FAM163A: variants seen among roughly 807,000 people sequenced by gnomAD.
FAM163A encodes family with sequence similarity 163 member A, also known as protein FAM163A.
In FAM163A, 7 loss-of-function variants were observed where a neutral mutation model predicts 12.0. The observed-to-expected ratio is 0.58, with a 90% CI of 0.33 to 1.10. The LOEUF (loss-of-function observed/expected upper bound fraction) is 1.10. Among genes scored for constraint, FAM163A ranks in the 50% least tolerant of loss-of-function variants. The probability of loss-of-function intolerance (pLI) is 0.03; values close to 1 mark genes in which losing one functional copy is unlikely to be tolerated. For synonymous variants in FAM163A, 101 were observed against 91.0 expected (o/e 1.11, Z -0.62); for missense variants, 202 against 218.6 (o/e 0.92, Z 0.48).
At chr1:179,800,729 G>C (rs574021540) in intron 1 of FAM163A, among the ~76,000 whole-genome samples, 1 of 152,286 alleles carries the variant, frequency 6.6e-6, no homozygotes, top group South Asian at 2.1e-4. Flanking sequence ...GTAGATGAAG[G>C]ATAAATGAGG....
At chr1:179,753,925 A>C (rs932026824) in intron 1 of FAM163A, among the ~76,000 whole-genome samples, 1 of 152,268 alleles carries the variant, frequency 6.6e-6, no homozygotes, top group Non-Finnish European at 1.5e-5. Flanking sequence ...ACAAAGTTGT[A>C]GATGGTACAT....
At chr1:179,730,781 T>C in the FAM163A span, among the ~76,000 whole-genome samples, 4 of 152,206 alleles carry the variant, frequency 2.6e-5, no homozygotes, top group Non-Finnish European at 5.9e-5. Context: ...AAAAAGGCAC[T>C]AATTTGCATT....
intron 1 of FAM163A, among the ~76,000 whole-genome samples, chr1:179,784,399 G>A (rs1690303692): frequency 6.6e-6 from 1 of 152,196 alleles, no homozygotes; most frequent in African/African-American, 2.4e-5. Context: ...TACTAGACAA[G>A]TTAATTTAAC....
upstream of FAM163A, among the ~76,000 whole-genome samples, chr1:179,739,420 T>TGAAA: frequency 6.6e-6 from 1 of 152,240 alleles, no homozygotes; most frequent in Non-Finnish European, 1.5e-5. Flanking sequence ...GACCAGGATC[T>TGAAA]AGACCAAGGT....
At chr1:179,776,000 T>C (rs900356901) in intron 1 of FAM163A, among the ~76,000 whole-genome samples, 1 of 152,008 alleles carries the variant, frequency 6.6e-6, no homozygotes, top group African/African-American at 2.4e-5. Context: ...ATTGATCAGA[T>C]GGGGTGGGGG....
At chr1:179,767,655 C>T (rs1231297850) in intron 1 of FAM163A, among the ~76,000 whole-genome samples, 2 of 152,058 alleles carry the variant, frequency 1.3e-5, no homozygotes, top group African/African-American at 2.4e-5. Flanking sequence ...CTGTCCAGGC[C>T]CTGGCACCCC....
chr1:179,782,087 GACT>G (rs1689848398), intron 1 of FAM163A, among the ~76,000 whole-genome samples: 1 of 152,176 alleles, frequency 6.6e-6, no homozygotes, highest in Non-Finnish European at 1.5e-5. Flanking sequence ...CTACCAGGCT[GACT>G]CCTTTGCAGC....
intron 1 of FAM163A, among the ~76,000 whole-genome samples, chr1:179,764,856 A>G (rs865782581): frequency 1.3e-5 from 2 of 152,180 alleles, no homozygotes; most frequent in African/African-American, 4.8e-5. Flanking sequence ...GGTAGTGACA[A>G]TCTGTACCTC....
chr1:179,801,536 A>G (rs1693176833), intron 1 of FAM163A, among the ~76,000 whole-genome samples: 1 of 151,974 alleles, frequency 6.6e-6, no homozygotes, highest in Non-Finnish European at 1.5e-5. Context: ...TTTAAAGATC[A>G]CCCTCCCCCC....
At chr1:179,731,230 CA>C in the FAM163A span, among the ~76,000 whole-genome samples, 1 of 152,064 alleles carries the variant, frequency 6.6e-6, no homozygotes, top group Non-Finnish European at 1.5e-5. Flanking sequence ...AGGGTTAAAA[CA>C]AATTGAGACA....
At chr1:179,756,351 A>T (rs1686022054) in intron 1 of FAM163A, among the ~76,000 whole-genome samples, 2 of 152,176 alleles carry the variant, frequency 1.3e-5, no homozygotes, top group Admixed American at 1.3e-4. Flanking sequence ...AAGTTCTAGA[A>T]ACACTTAAGA....
chr1:179,746,318 T>A lies in FAM163A; in HGVS notation c.-136+2895T>A, dbSNP rs76430550. The stretch of plus-strand genomic sequence containing the variant: ...AAGATATATGTACATTATAGCACTG[T>A]TCGAACTGTGAAAGAACAACTTACA... On this transcript the variant is annotated intron_variant, in intron 1 of 4. Coordinates refer to ENST00000341785, the MANE Select transcript of FAM163A (RefSeq NM_173509.3). Among the ~76,000 whole-genome samples, 19 of 152,330 alleles carry A rather than the reference T, an allele frequency of 1.2e-4. No homozygotes were observed. The East Asian group carries it at 2.9e-3, about 23-fold the overall frequency.
upstream of FAM163A, among the ~76,000 whole-genome samples, chr1:179,741,267 TAAG>T (rs557257260): frequency 3.2e-3 from 488 of 152,364 alleles, 2 homozygotes; most frequent in African/African-American, 0.011. Context: ...TGGCAAAACA[TAAG>T]AAGTCTAATA....
chr1:179,733,202 T>G, the FAM163A span, among the ~76,000 whole-genome samples: 1 of 151,612 alleles, frequency 6.6e-6, no homozygotes, highest in Non-Finnish European at 1.5e-5. Flanking sequence ...GAGTATTTAT[T>G]TCCCTTTTTG....
At chr1:179,758,730 A>G (rs1686382330) in intron 1 of FAM163A, among the ~76,000 whole-genome samples, 1 of 152,134 alleles carries the variant, frequency 6.6e-6, no homozygotes, top group Non-Finnish European at 1.5e-5. Context: ...ATTTTTACAT[A>G]CTTTCTCATC....
intron 1 of FAM163A, among the ~76,000 whole-genome samples, chr1:179,754,025 A>G (rs1482491229): frequency 6.6e-6 from 1 of 152,218 alleles, no homozygotes; most frequent in Non-Finnish European, 1.5e-5. Flanking sequence ...ATTGATGTTA[A>G]TATAAAATAT....
chr1:179,741,127 A>G (rs1454750678), upstream of FAM163A, among the ~76,000 whole-genome samples: 4 of 152,380 alleles, frequency 2.6e-5, no homozygotes, highest in East Asian at 5.8e-4. Context: ...ATGGGCAAAC[A>G]TTTGAACAGG....
At chr1:179,734,702 G>A in the FAM163A span, among the ~76,000 whole-genome samples, 474 of 152,258 alleles carry the variant, frequency 3.1e-3, no homozygotes, top group South Asian at 4.4e-3. Context: ...CCATCACCTT[G>A]GGGGTTAGAA....
chr1:179,763,273 C>T (rs766523183), intron 1 of FAM163A, among the ~76,000 whole-genome samples: 2 of 152,214 alleles, frequency 1.3e-5, no homozygotes, highest in Non-Finnish European at 2.9e-5. Flanking sequence ...GTAACTTTCC[C>T]TTACAAAAGG....
Sources: gnomAD v4.1 joint callset for allele counts (sites outside exome capture counted in the v4.1 genomes callset) on GRCh38, gnomAD v4.1.1 for gene constraint, MANE v1.5 for transcripts, NCBI Gene and HGNC (gene_info 2026-07-23, HGNC 2026-07-21) for gene names.